The following RAP1A variants were observed in gnomAD, a reference collection of about 807,000 sequenced individuals.
The protein encoded by RAP1A is RAP1A, member of RAS oncogene family.
A neutral mutation model predicts 26.4 loss-of-function variants in RAP1A; 6 were observed. That is an observed-to-expected ratio of 0.23 (90% CI 0.12 to 0.45). The LOEUF is 0.45. Ranked by LOEUF, RAP1A falls within the 20% of genes least tolerant of loss-of-function variation. RAP1A has a pLI of 0.99. For synonymous variants in RAP1A, 73 were observed against 79.4 expected, an observed-to-expected ratio of 0.92 and a Z score of 0.43; for missense variants, 121 against 217.2, an observed-to-expected ratio of 0.56 and a Z score of 2.78.
intron 1 of RAP1A, among the ~76,000 whole-genome samples, chr1:111,573,939 G>A (rs908274480): frequency 2.6e-5 from 4 of 152,002 alleles, no homozygotes; most frequent in Non-Finnish European, 4.4e-5. Context: ...ATCTTTTGCT[G>A]TGCAGAAGCT....
At chr1:111,670,764 T>G (rs60779967) in intron 1 of RAP1A, among the ~76,000 whole-genome samples, 19,247 of 152,138 alleles carry the variant, frequency 0.13, 1,540 homozygotes, top group South Asian at 0.18. Context: ...GTGGCAGATT[T>G]TTATAAAAGA....
chr1:111,713,632 C>T lies in RAP1A; in HGVS notation c.*1231C>T, dbSNP rs1662450266. On this transcript the variant is annotated 3_prime_UTR_variant, in exon 8 of 8. Coordinates refer to ENST00000369709, the MANE Select transcript of RAP1A (RefSeq NM_002884.4). The stretch of plus-strand genomic sequence containing the variant: ...TAAAACACATAAAAGGAATGTGTTA[C>T]TTTTGCTTAAACTACTTATGAAATA... The T allele has an allele frequency of 6.6e-6, 1 of 152,152 alleles. No homozygotes were observed. Among genetic ancestry groups the T allele is most frequent in the African/African-American group, 2.4e-5 (1 of 41,428 alleles). The allele number at this position is 152,152 out of a possible 1,614,324, so 9.4% of individuals were successfully genotyped here. A position where few individuals can be genotyped will look rare whatever the true frequency, so the allele number is the denominator to read the frequency against.
intron 1 of RAP1A, among the ~76,000 whole-genome samples, chr1:111,652,849 A>T (rs193083187): frequency 6.6e-6 from 1 of 152,168 alleles, no homozygotes; most frequent in Non-Finnish European, 1.5e-5. Context: ...AAGAGATGCA[A>T]TGAAAAAGAA....
At chr1:111,603,672 G>A (rs769086044) in intron 1 of RAP1A, among the ~76,000 whole-genome samples, 8 of 152,174 alleles carry the variant, frequency 5.3e-5, no homozygotes, top group East Asian at 1.9e-4. Context: ...GTTGGAATAC[G>A]AAACCCACTC....
chr1:111,545,226 AT>A (rs1656991515), intron 1 of RAP1A, among the ~76,000 whole-genome samples: 1 of 152,026 alleles, frequency 6.6e-6, no homozygotes, highest in Non-Finnish European at 1.5e-5. Flanking sequence ...CAGCTGCACC[AT>A]TTCATTCCCA....
exon 1 of RAP1A, chr1:111,542,295 C>A: frequency 1.8e-6 from 1 of 548,308 alleles, no homozygotes; most frequent in Non-Finnish European, 3.5e-6. Flanking sequence ...GGTTCGAACA[C>A]ACGCGACAAG....
intron 1 of RAP1A, among the ~76,000 whole-genome samples, chr1:111,651,023 C>T (rs929007280): frequency 3.3e-5 from 5 of 151,998 alleles, no homozygotes; most frequent in East Asian, 1.9e-4. Context: ...AGGATGGTCT[C>T]GATCTCCTGA....
chr1:111,595,328 C>T (rs755434738), intron 1 of RAP1A, among the ~76,000 whole-genome samples: 1 of 152,246 alleles, frequency 6.6e-6, no homozygotes, highest in African/African-American at 2.4e-5. Context: ...ACAGATTCCT[C>T]GGGCTGTAGG....
At chr1:111,707,172 A>G (rs1662219292) in intron 6 of RAP1A, among the ~76,000 whole-genome samples, 1 of 152,224 alleles carries the variant, frequency 6.6e-6, no homozygotes, top group African/African-American at 2.4e-5. Flanking sequence ...TGGAGCAGAA[A>G]GAAAAGAATT....
chr1:111,543,114 A>G (rs1304060462), intron 1 of RAP1A, among the ~76,000 whole-genome samples: 1 of 152,236 alleles, frequency 6.6e-6, no homozygotes, highest in Non-Finnish European at 1.5e-5. Context: ...CTACACACAC[A>G]CAGACACATA....
intron 1 of RAP1A, among the ~76,000 whole-genome samples, chr1:111,590,201 T>C (rs750237965): frequency 9.9e-5 from 15 of 152,240 alleles, no homozygotes; most frequent in Non-Finnish European, 2.1e-4. Context: ...TCTATGTAGA[T>C]AATCACATTG....
chr1:111,571,297 C>T (rs1658043762), intron 1 of RAP1A, among the ~76,000 whole-genome samples: 1 of 152,236 alleles, frequency 6.6e-6, no homozygotes, highest in South Asian at 2.1e-4. Flanking sequence ...CAGCCCATCC[C>T]TGTGTTCACC....
chr1:111,556,019 A>G (rs1657478877), intron 1 of RAP1A, among the ~76,000 whole-genome samples: 1 of 152,248 alleles, frequency 6.6e-6, no homozygotes, highest in Non-Finnish European at 1.5e-5. Flanking sequence ...CATGTATGTG[A>G]TAAGGAATTA....
Position 111,619,810 on chromosome 1 carries a change from G to T in RAP1A, c.-152G>T. On this transcript the variant is annotated 5_prime_UTR_variant, in exon 1 of 8. Transcript: ENST00000369709. ...CGCCGCCGCCGCTCCCGAGGCCCCT[G>T]CCGCCGCCGCTCCCGCTGCTGTCGC... 1 of 399,568 alleles carries T rather than the reference G, an allele frequency of 2.5e-6. No individual in the cohort carries two copies. The highest frequency in any genetic ancestry group is 2.1e-5 in the African/African-American group (1 of 48,668). The allele number at this position is 399,568 out of a possible 1,614,324, so 24.8% of individuals were successfully genotyped here.
At chr1:111,603,038 A>G (rs1367350098) in intron 1 of RAP1A, among the ~76,000 whole-genome samples, 1 of 152,190 alleles carries the variant, frequency 6.6e-6, no homozygotes, top group Non-Finnish European at 1.5e-5. Context: ...TCAAGCACCC[A>G]ACCATCAAAC....
chr1:111,641,513 G>A (rs1659890167), intron 1 of RAP1A, among the ~76,000 whole-genome samples: 2 of 152,090 alleles, frequency 1.3e-5, no homozygotes, highest in African/African-American at 4.8e-5. Context: ...CTTTATCTTA[G>A]CCTGCATATG....
chr1:111,683,994 A>G (rs1384219893), intron 1 of RAP1A, among the ~76,000 whole-genome samples: 1 of 152,210 alleles, frequency 6.6e-6, no homozygotes, highest in East Asian at 1.9e-4. Flanking sequence ...CTGGGGTGCA[A>G]AGTTGGTTCA....
At chr1:111,675,799 G>T (rs754491905) in intron 1 of RAP1A, among the ~76,000 whole-genome samples, 7 of 152,274 alleles carry the variant, frequency 4.6e-5, no homozygotes, top group Non-Finnish European at 7.4e-5. Flanking sequence ...CCCAAGACTG[G>T]GCAAAAGAAA....
At chr1:111,581,607 G>A (rs1370242621) in intron 1 of RAP1A, among the ~76,000 whole-genome samples, 2 of 152,182 alleles carry the variant, frequency 1.3e-5, no homozygotes, top group Non-Finnish European at 2.9e-5. Context: ...ATGCATATTT[G>A]TTAAATAAAT....
Sources: gnomAD v4.1 joint callset for allele counts (sites outside exome capture counted in the v4.1 genomes callset) on GRCh38, gnomAD v4.1.1 for gene constraint, MANE v1.5 for transcripts, NCBI Gene and HGNC (gene_info 2026-07-23, HGNC 2026-07-21) for gene names.